CHN1: variants seen among roughly 807,000 people sequenced by gnomAD.
CHN1 encodes N-chimaerin.
A neutral mutation model predicts 59.5 loss-of-function variants in CHN1; 37 were observed. The ratio of observed to expected loss-of-function variants is 0.62; its 90% CI spans 0.48 to 0.82. The LOEUF is 0.82. Among genes scored for constraint, CHN1 ranks in the 40% least tolerant of loss-of-function variants. The pLI, the probability that CHN1 is intolerant of heterozygous loss-of-function variation, is 0.00. For missense variants in CHN1, 469 were observed against 571.0 expected, an observed-to-expected ratio of 0.82 and a Z score of 1.82; for synonymous variants, 206 against 200.4, an observed-to-expected ratio of 1.03 and a Z score of -0.24.
intron 5 of CHN1, among the ~76,000 whole-genome samples, chr2:174,880,776 G>C (rs1192714679): frequency 1.3e-5 from 2 of 152,118 alleles, no homozygotes; most frequent in Non-Finnish European, 1.5e-5. Flanking sequence ...TGCCGGGTGC[G>C]GTGGCTCACG....
intron 5 of CHN1, among the ~76,000 whole-genome samples, chr2:174,894,764 T>G (rs909077863): frequency 6.6e-6 from 1 of 152,088 alleles, no homozygotes; most frequent in African/African-American, 2.4e-5. Flanking sequence ...TGTGGTACAG[T>G]AGTCCACCTC....
At chr2:174,920,779 G>A (rs2105376012) in intron 3 of CHN1, among the ~76,000 whole-genome samples, 1 of 152,302 alleles carries the variant, frequency 6.6e-6, no homozygotes, top group Non-Finnish European at 1.5e-5. Flanking sequence ...CAGGGCAGGA[G>A]CGGGGGTATG....
intron 5 of CHN1, among the ~76,000 whole-genome samples, chr2:174,878,411 G>C (rs1687640554): frequency 1.3e-5 from 2 of 151,908 alleles, no homozygotes; most frequent in Non-Finnish European, 2.9e-5. Context: ...TTATACCTGT[G>C]GAAAAAATGG....
chr2:174,980,453 T>A (rs1008522745), intron 1 of CHN1, among the ~76,000 whole-genome samples: 3 of 152,220 alleles, frequency 2.0e-5, no homozygotes, highest in Non-Finnish European at 4.4e-5. Flanking sequence ...GTCCTGTTTA[T>A]ACATGTGAAA....
intron 3 of CHN1, among the ~76,000 whole-genome samples, chr2:174,930,960 G>A (rs566479943): frequency 6.6e-6 from 1 of 152,024 alleles, no homozygotes; most frequent in Admixed American, 6.6e-5. Context: ...AGTAGAGACA[G>A]GGTTTCACTA....
intron 1 of CHN1, among the ~76,000 whole-genome samples, chr2:174,990,361 A>G (rs1439686361): frequency 6.7e-6 from 1 of 150,244 alleles, no homozygotes; most frequent in Non-Finnish European, 1.5e-5. Context: ...GGGAGGGAGA[A>G]GAGAGGAAGA....
chr2:174,844,049 A>G (rs1330575691), intron 7 of CHN1, among the ~76,000 whole-genome samples: 1 of 152,056 alleles, frequency 6.6e-6, no homozygotes, highest in African/African-American at 2.4e-5. Flanking sequence ...TCCAGGGGAC[A>G]ATTACAATTA....
Position 174,799,290 on chromosome 2 carries a change from C to T in CHN1, c.*826G>A. ...AAATGATTATTTTAGAAGCTTATCA[C>T]TTTTAACAGTAAACAAAAGAGGTCA... On this transcript the variant is annotated 3_prime_UTR_variant, in exon 13 of 13. Transcript: ENST00000409900. 1 of 343,070 alleles carries T rather than the reference C, an allele frequency of 2.9e-6. No homozygotes were observed. The highest frequency in any genetic ancestry group is 2.7e-5 in the South Asian group (1 of 36,894). 21.3% of individuals were successfully genotyped at this position (343,070 alleles called of 1,614,324 possible).
At chr2:174,991,304 GAAGAACCCATCA>G in intron 1 of CHN1, among the ~76,000 whole-genome samples, 1 of 152,348 alleles carries the variant, frequency 6.6e-6, no homozygotes, top group South Asian at 2.1e-4. Flanking sequence ...TCTCAGAGCA[GAAGAACCCATCA>G]TTTTTCCTAC....
intron 5 of CHN1, among the ~76,000 whole-genome samples, chr2:174,894,729 T>C (rs1217374014): frequency 6.6e-6 from 1 of 152,118 alleles, no homozygotes; most frequent in Non-Finnish European, 1.5e-5. Flanking sequence ...AAGACGTCTA[T>C]TGATGGATGA....
chr2:174,916,079 A>G (rs1688840263), intron 4 of CHN1, among the ~76,000 whole-genome samples: 1 of 152,318 alleles, frequency 6.6e-6, no homozygotes, highest in African/African-American at 2.4e-5. Flanking sequence ...AAGATAGATC[A>G]TCCAAAAGGA....
At chr2:174,886,824 A>T (rs1466136463) in intron 5 of CHN1, among the ~76,000 whole-genome samples, 1 of 152,136 alleles carries the variant, frequency 6.6e-6, no homozygotes, top group Non-Finnish European at 1.5e-5. Context: ...CTCAGAAAAA[A>T]ATGTCTTACT....
At chr2:174,981,759 A>C (rs191502931) in intron 1 of CHN1, among the ~76,000 whole-genome samples, 76 of 152,354 alleles carry the variant, frequency 5.0e-4, no homozygotes, top group Admixed American at 2.9e-3. Context: ...TATTAAAAGT[A>C]GACAAACTGT....
intron 5 of CHN1, among the ~76,000 whole-genome samples, chr2:174,885,863 T>C (rs1687879121): frequency 6.6e-6 from 1 of 152,230 alleles, no homozygotes; most frequent in African/African-American, 2.4e-5. Context: ...CTAAATACTG[T>C]GTCCCACTAC....
intron 3 of CHN1, among the ~76,000 whole-genome samples, chr2:174,934,161 T>C (rs1311931965): frequency 6.6e-6 from 1 of 152,194 alleles, no homozygotes; most frequent in Non-Finnish European, 1.5e-5. Context: ...TATTATTACA[T>C]TGTAATATAT....
intron 1 of CHN1, among the ~76,000 whole-genome samples, chr2:174,970,928 C>A (rs1314151331): frequency 6.6e-6 from 1 of 152,158 alleles, no homozygotes; most frequent in Admixed American, 6.5e-5. Flanking sequence ...ATTTCAAAAG[C>A]TGACTGCAAA....
chr2:174,812,726 G>A, intron 8 of CHN1, among the ~76,000 whole-genome samples: 1 of 151,756 alleles, frequency 6.6e-6, no homozygotes. Flanking sequence ...TATGATCTCA[G>A]GAGAATACAA....
chr2:174,886,127 A>G (rs1226635457), intron 5 of CHN1, among the ~76,000 whole-genome samples: 1 of 152,254 alleles, frequency 6.6e-6, no homozygotes, highest in African/African-American at 2.4e-5. Context: ...GAGTGCTTAT[A>G]GAGTTCTATA....
At chr2:174,875,062 C>A (rs780471064) in intron 6 of CHN1, among the ~76,000 whole-genome samples, 1 of 151,546 alleles carries the variant, frequency 6.6e-6, no homozygotes, top group Non-Finnish European at 1.5e-5. Flanking sequence ...TTAGTAGAGA[C>A]GAGGTTTCAC....
Sources: gnomAD v4.1 joint callset for allele counts (sites outside exome capture counted in the v4.1 genomes callset) on GRCh38, gnomAD v4.1.1 for gene constraint, MANE v1.5 for transcripts, NCBI Gene and HGNC (gene_info 2026-07-23, HGNC 2026-07-21) for gene names.